The following SSH1 variants were observed in gnomAD, a reference collection of about 807,000 sequenced individuals.
SSH1 encodes the protein slingshot protein phosphatase 1, also known as protein phosphatase Slingshot homolog 1.
A neutral mutation model predicts 79.7 loss-of-function variants in SSH1; 43 were observed. That is an observed-to-expected ratio of 0.54 (90% confidence interval 0.42 to 0.70). SSH1 has a LOEUF of 0.70. SSH1 is among the 30% of genes least tolerant of loss of function. SSH1 has a pLI of 0.00. For synonymous variants in SSH1, 599 were observed against 538.3 expected, an observed-to-expected ratio of 1.11 and a Z score of -1.56; for missense variants, 1,206 against 1,358.8, an observed-to-expected ratio of 0.89 and a Z score of 1.77.
intron 3 of SSH1, among the ~76,000 whole-genome samples, chr12:108,821,483 A>T (rs1455276676): frequency 6.6e-6 from 1 of 152,178 alleles, no homozygotes; most frequent in Admixed American, 6.5e-5. Flanking sequence ...AATAACAATG[A>T]TAGTTACCCA....
intron 14 of SSH1, among the ~76,000 whole-genome samples, chr12:108,790,427 G>C (rs1354671546): frequency 6.6e-6 from 1 of 152,078 alleles, no homozygotes; most frequent in Non-Finnish European, 1.5e-5. Flanking sequence ...TGGGATTACA[G>C]GCGTGCGGCA....
At chr12:108,794,058 A>G (rs2036634453) in intron 13 of SSH1, among the ~76,000 whole-genome samples, 1 of 152,182 alleles carries the variant, frequency 6.6e-6, no homozygotes, top group South Asian at 2.1e-4. Flanking sequence ...CCCTTCCGAC[A>G]GTGAAGGAGT....
chr12:108,823,268 G>C lies in SSH1; in HGVS notation c.204C>G (p.His68Gln), dbSNP rs774256216. 6.3e-7 allele frequency: 1 copy of C among 1,585,032 alleles called. No individual in the cohort carries two copies. Among genetic ancestry groups the C allele is most frequent in the South Asian group, 1.2e-5 (1 of 86,830 alleles). ...ACTTAGAGCCCTCACCTGCATGCTT[G>C]TGGGGGTGCTGAAGACTCCGCTGGC... is the stretch of plus-strand genomic sequence containing the variant. The part of the protein sequence containing the change: ...PQGQRSLQHP[H>Q]KHAGDLPQHL... Residue 68 changes from histidine to glutamine, a missense_variant, in exon 3 of 15, where the codon CAC becomes CAG. His to Gln is a conservative substitution (Grantham distance 24). Transcript: ENST00000326495.
At chr12:108,809,187 G>A (rs369343282) in intron 7 of SSH1, among the ~76,000 whole-genome samples, 5 of 143,832 alleles carry the variant, frequency 3.5e-5, no homozygotes, top group Non-Finnish European at 6.1e-5. Context: ...GGTGGCTCAC[G>A]CCTGGAATCC....
At chr12:108,791,664 T>C (rs572066582) in intron 14 of SSH1, among the ~76,000 whole-genome samples, 15 of 152,122 alleles carry the variant, frequency 9.9e-5, no homozygotes, top group South Asian at 2.1e-4. Context: ...GAGGCTGAGG[T>C]AGGAGGATCA....
rs1390938290 is a variant in SSH1 at position 108,807,693 on chromosome 12, C to T, written c.671G>A (p.Trp224Ter). 6.2e-7 allele frequency: 1 copy of T among 1,613,330 alleles called. No homozygotes were observed. The highest frequency in any genetic ancestry group is 1.1e-5 in the South Asian group (1 of 91,024). Reference sequence around the variant, plus strand: ...AGACTCCAGGTCCTGCATGGCGTTCCACTCGTTGATGCAGCTCTGCTCGGA... The same window carrying T: ...AGACTCCAGGTCCTGCATGGCGTTCTACTCGTTGATGCAGCTCTGCTCGGA... ...ISSEQSCINE[W>*]NAMQDLESTR... Residue 224 changes from tryptophan (W) to a stop codon, truncating the protein, a stop_gained, in exon 8 of 15, where the codon TGG (tryptophan) becomes TAG (stop). Transcript: ENST00000326495. LOFTEE classifies it high-confidence loss of function. This position sits in a 1 kb window ranked among gnomAD's most constrained non-coding sequence, Gnocchi z 5.2.
intron 2 of SSH1, chr12:108,826,092 A>T: frequency 2.2e-6 from 1 of 446,432 alleles, no homozygotes; most frequent in African/African-American, 2.0e-5. Context: ...AAAAAAAAAA[A>T]TTCATACTGA....
intron 2 of SSH1, among the ~76,000 whole-genome samples, chr12:108,837,179 C>G (rs1415229414): frequency 6.6e-6 from 1 of 152,172 alleles, no homozygotes; most frequent in African/African-American, 2.4e-5. Context: ...TTGCAGCGAG[C>G]TGAGATATCA....
At chr12:108,817,001 C>A in intron 5 of SSH1, 37 bp downstream of exon 5, 1 of 1,612,712 alleles carries the variant, frequency 6.2e-7, no homozygotes, top group Non-Finnish European at 8.5e-7. Context: ...ACTCTTGCCT[C>A]CCTCACAGAA....
chr12:108,832,577 T>G (rs2038500397), intron 2 of SSH1, among the ~76,000 whole-genome samples: 1 of 152,144 alleles, frequency 6.6e-6, no homozygotes, highest in African/African-American at 2.4e-5. Context: ...AAAGTGAAGT[T>G]GATAAAGATG....
intron 2 of SSH1, among the ~76,000 whole-genome samples, chr12:108,840,177 C>T (rs1432086394): frequency 1.3e-5 from 2 of 152,186 alleles, no homozygotes; most frequent in African/African-American, 4.8e-5. Context: ...ACACTGACTA[C>T]ACCCACAAAG....
At chr12:108,821,915 G>C (rs1412420663) in intron 3 of SSH1, among the ~76,000 whole-genome samples, 1 of 152,164 alleles carries the variant, frequency 6.6e-6, no homozygotes. Context: ...CACAATAGCT[G>C]GTTGGTTTCA....
intron 2 of SSH1, 33 bp from the exon 3 acceptor site, chr12:108,823,394 CG>C: frequency 1.3e-6 from 2 of 1,523,004 alleles, no homozygotes; most frequent in Non-Finnish European, 1.8e-6. Flanking sequence ...ACAGTTAGAC[CG>C]GAATTCAGAC....
In SSH1 at chr12:108,857,410, G is replaced by T; in HGVS notation, c.69+18C>A. The T allele has an allele frequency of 9.7e-7, 1 of 1,035,006 alleles. No homozygotes were observed. Among genetic ancestry groups the T allele is most frequent in the Non-Finnish European group, 1.2e-6 (1 of 858,472 alleles). The allele number at this position is 1,035,006 out of a possible 1,614,324, so 64.1% of individuals were successfully genotyped here. ...GCGTCCGGCGGCCCAGGCCGGGCGC[G>T]GCGAGCCCGGGGCTCACCTCGCTGT... On this transcript the variant is annotated intron_variant, in intron 1 of 14. Transcript: ENST00000326495. This position sits in a 1 kb window ranked among gnomAD's most constrained non-coding sequence, Gnocchi z 4.7.
chr12:108,799,398 A>T (rs1376564846), intron 12 of SSH1, among the ~76,000 whole-genome samples, 198 bp from the exon 13 acceptor site: 9 of 152,188 alleles, frequency 5.9e-5, no homozygotes, highest in Non-Finnish European at 1.5e-5. Flanking sequence ...AGGAAATACC[A>T]CCACTGTAGA....
At position 108,857,282 on chromosome 12, in the gene SSH1, G is replaced by A. The variant is rs561148908; in HGVS notation, c.69+146C>T. 2.6e-5 allele frequency: 7 copies of A among 270,582 alleles called. No individual in the cohort carries two copies. In the South Asian group the frequency reaches 9.8e-4, roughly 38 times the overall value. 16.8% of individuals were successfully genotyped at this position (270,582 alleles called of 1,614,324 possible). A position where few individuals can be genotyped will look rare whatever the true frequency, so the allele number is the denominator to read the frequency against. ...CACACAGTCCTCGCACGGTCACCCC[G>A]GTCCGGCTGCCCGGCTCTGTTCCTA... is the stretch of plus-strand genomic sequence containing the variant. On this transcript the variant is annotated intron_variant, in intron 1 of 14. Transcript: ENST00000326495. The surrounding 1 kb of genome is among the most constrained non-coding windows in gnomAD (Gnocchi z 4.7).
At chr12:108,818,155 G>T in intron 4 of SSH1, 94 bp downstream of exon 4, 1 of 1,021,886 alleles carries the variant, frequency 9.8e-7, no homozygotes, top group Non-Finnish European at 1.5e-6. Flanking sequence ...CTAAGATCAT[G>T]CCACTGCACT....
rs943488555 is a variant in SSH1, at chr12:108,811,193, T to C, written c.470+67A>G. Reference sequence around the variant, plus strand: ...GTGCTAATGATCATCCAAGGATGCCTGAACCAGCTCGTGTTTTCAATGCCT... The same window carrying C: ...GTGCTAATGATCATCCAAGGATGCCCGAACCAGCTCGTGTTTTCAATGCCT... On this transcript the variant is annotated intron_variant, in intron 6 of 14. Coordinates refer to ENST00000326495, the MANE Select transcript of SSH1 (RefSeq NM_018984.4). The C allele has an allele frequency of 4.1e-6, 6 of 1,452,090 alleles. No homozygotes were observed. The East Asian group carries it at 6.8e-5, about 16-fold the overall frequency. 90.0% of individuals were successfully genotyped at this position (1,452,090 alleles called of 1,614,324 possible).
At chr12:108,813,212 G>A (rs908501772) in intron 5 of SSH1, among the ~76,000 whole-genome samples, 2 of 152,142 alleles carry the variant, frequency 1.3e-5, no homozygotes, top group African/African-American at 4.8e-5. Flanking sequence ...GATAAAGTGG[G>A]TGGGAGCAAT....
Sources: gnomAD v4.1 joint callset for allele counts (sites outside exome capture counted in the v4.1 genomes callset) on GRCh38, gnomAD v4.1.1 for gene constraint, Gnocchi (gnomAD v3.1) non-coding constraint, MANE v1.5 for transcripts, NCBI Gene and HGNC (gene_info 2026-07-23, HGNC 2026-07-21) for gene names.